The following MYO18A variants were observed in gnomAD, a reference collection of about 807,000 sequenced individuals.
MYO18A encodes the protein myosin XVIIIA, also known as unconventional myosin-XVIIIa.
Under a neutral mutation model 235.8 loss-of-function variants are expected in MYO18A, and 78 were observed. The ratio of observed to expected loss-of-function variants is 0.33; its 90% CI spans 0.28 to 0.40. The LOEUF is 0.40. Ranked by LOEUF, MYO18A falls within the 10% of genes least tolerant of loss-of-function variation. MYO18A has a pLI of 1.00. For missense variants in MYO18A, 2,215 were observed against 2,699.3 expected (o/e 0.82, Z 3.98); for synonymous variants, 977 against 1,077.8 (o/e 0.91, Z 1.83).
chr17:29,136,106 G>A (rs2067590714), intron 2 of MYO18A, among the ~76,000 whole-genome samples: 1 of 151,922 alleles, frequency 6.6e-6, no homozygotes, highest in African/African-American at 2.4e-5. Flanking sequence ...GTGCATGCCT[G>A]TGGTCCCAGG....
chr17:29,106,422 G>A lies in MYO18A; in HGVS notation c.3441+658C>T, dbSNP rs947207876. ...CTCTGTGGGCTTTCTGCCCCATTCTGCAGCATCCTCTCCATTTAGGGAAGC... is the reference window on the plus strand; with the variant it reads ...CTCTGTGGGCTTTCTGCCCCATTCTACAGCATCCTCTCCATTTAGGGAAGC... On this transcript the variant is annotated intron_variant, in intron 20 of 41. Coordinates refer to ENST00000527372, the MANE Select transcript of MYO18A (RefSeq NM_078471.4). The surrounding 1 kb of genome is among the most constrained non-coding windows in gnomAD (Gnocchi z 4.6). Among the ~76,000 whole-genome samples, 3 of 152,188 alleles carry A rather than the reference G, an allele frequency of 2.0e-5. No individual in the cohort carries two copies. The highest frequency in any genetic ancestry group is 7.2e-5 in the African/African-American group (3 of 41,448).
intron 40 of MYO18A, among the ~76,000 whole-genome samples, chr17:29,085,258 A>T (rs1471067673): frequency 4.3e-4 from 65 of 152,236 alleles, no homozygotes; most frequent in Non-Finnish European, 2.9e-5. Flanking sequence ...CCAGAGAAAT[A>T]GGCCAGGGAG....
intron 27 of MYO18A, 74 bp from the exon 28 acceptor site, chr17:29,096,989 GGTGA>G: frequency 1.4e-6 from 2 of 1,460,682 alleles, no homozygotes; most frequent in South Asian, 2.8e-5. Flanking sequence ...GAGGGAAGTG[GGTGA>G]GTGAGGGGAA....
intron 1 of MYO18A, chr17:29,176,685 C>T (rs1228511490): frequency 1.3e-5 from 2 of 152,278 alleles, no homozygotes; most frequent in African/African-American, 4.8e-5. Flanking sequence ...TGGCCTGGCC[C>T]CGTGCTCCAG....
chr17:29,080,937 A>C, intron 41 of MYO18A: 2 of 985,356 alleles, frequency 2.0e-6, no homozygotes, highest in Non-Finnish European at 2.4e-6. Flanking sequence ...GCCGCTTCCG[A>C]TAGCTCAGGG....
chr17:29,079,792 T>C, intron 41 of MYO18A: 1 of 986,038 alleles, frequency 1.0e-6, no homozygotes, highest in Non-Finnish European at 1.2e-6. Context: ...TTTCTTGCGC[T>C]TCTTTTCCTC....
intron 33 of MYO18A, 103 bp downstream of exon 33, chr17:29,092,752 C>T: frequency 6.7e-7 from 1 of 1,488,394 alleles, no homozygotes; most frequent in South Asian, 1.3e-5. Context: ...TGTCACTTTC[C>T]TTCCCAAGGA....
chr17:29,177,634 C>T (rs900572758), intron 1 of MYO18A, among the ~76,000 whole-genome samples: 3 of 152,130 alleles, frequency 2.0e-5, no homozygotes, highest in African/African-American at 7.2e-5. Context: ...CAAAGCAGAA[C>T]TTAAACTCCA....
chr17:29,131,507 G>C (rs2152897714), intron 2 of MYO18A: 1 of 861,572 alleles, frequency 1.2e-6, no homozygotes, highest in South Asian at 5.3e-5. Context: ...TAAAAGCACA[G>C]GGAGAGAACA....
At chr17:29,091,755 T>C in intron 34 of MYO18A, 1 of 441,206 alleles carries the variant, frequency 2.3e-6, no homozygotes, top group South Asian at 1.6e-5. Context: ...CCTCCTCCCC[T>C]GCCCCATTCC....
At chr17:29,097,452 G>A in intron 26 of MYO18A, 102 bp from the exon 27 acceptor site, 5 of 1,485,882 alleles carry the variant, frequency 3.4e-6, no homozygotes, top group South Asian at 1.2e-5. Context: ...GGTGGAGTCA[G>A]CCAGGGCTCA....
Position 29,090,574 on chromosome 17 carries a change from C to T in MYO18A, c.5346G>A (p.Gln1782=). Reference sequence around the variant, plus strand: ...GCTTCTCTTTGTTGGCTTCTTCTAGCTGAGCTTGGAGATCATTTATCTGAG... The same window carrying T: ...GCTTCTCTTTGTTGGCTTCTTCTAGTTGAGCTTGGAGATCATTTATCTGAG... The part of the protein sequence containing the change: ...DLAQINDLQA[Q]LEEANKEKQE... Residue 1782 remains glutamine, a synonymous_variant, in exon 36 of 42, where the codon CAG becomes CAA. Transcript: ENST00000527372. 6.2e-7 allele frequency: 1 copy of T among 1,601,134 alleles called. No individual in the cohort carries two copies. Among genetic ancestry groups the T allele is most frequent in the Non-Finnish European group, 8.5e-7 (1 of 1,173,262 alleles).
intron 15 of MYO18A, among the ~76,000 whole-genome samples, chr17:29,113,497 G>A (rs1371051752): frequency 6.6e-6 from 1 of 152,226 alleles, no homozygotes; most frequent in Non-Finnish European, 1.5e-5. Flanking sequence ...ATCCATGACA[G>A]TCCCCCAGAG....
At chr17:29,139,547 C>A (rs1190790744) in intron 2 of MYO18A, among the ~76,000 whole-genome samples, 1 of 152,166 alleles carries the variant, frequency 6.6e-6, no homozygotes, top group Non-Finnish European at 1.5e-5. Flanking sequence ...GCTCCTGATG[C>A]ACCTCCGCAC....
intron 1 of MYO18A, among the ~76,000 whole-genome samples, chr17:29,169,543 A>G (rs1294879547): frequency 2.0e-5 from 3 of 152,074 alleles, no homozygotes; most frequent in Admixed American, 1.3e-4. Context: ...TCTCCTCCTG[A>G]CTGTTGATGG....
rs201823485 is a variant in MYO18A, at chr17:29,090,929, G to T, written c.5188-3C>A. The T allele has an allele frequency of 2.5e-6, 4 of 1,612,960 alleles. No individual in the cohort carries two copies. In the East Asian group the frequency reaches 8.9e-5, roughly 36 times the overall value. On this transcript the variant is annotated splice_polypyrimidine_tract_variant and splice_region_variant and intron_variant, in intron 34 of 41. Transcript: ENST00000527372. ...AGGCGGCTCAGCTGCTCCTCCAGCT[G>T]GAGAGAGGCAAAGACAGATCAGAGG...
At chr17:29,151,732 GAGGGCTTCCCCA>G (rs1040953139) in intron 2 of MYO18A, among the ~76,000 whole-genome samples, 5 of 152,216 alleles carry the variant, frequency 3.3e-5, no homozygotes, top group African/African-American at 1.2e-4. Flanking sequence ...GCAGTGGCCT[GAGGGCTTCCCCA>G]AGCCACCCGC....
rs1269242038 is a variant in MYO18A, at chr17:29,121,072, T to C, written c.1511A>G (p.Lys504Arg). Reference protein sequence around the residue: ...IILLGSSGSGKTTSCQHLVQY... With the variant: ...IILLGSSGSGRTTSCQHLVQY... ...CACCAGATGCTGGCAGCTGGTGGTC[T>C]TGCCACTGCCACTACTGCCCAGGAG... is the stretch of plus-strand genomic sequence containing the variant. The change falls in exon 6 of 42, where the codon AAG (lysine) becomes AGG (arginine). Residue 504 changes from lysine (K) to arginine (R), a missense_variant. Transcript: ENST00000527372. The surrounding 1 kb of genome is among the most constrained non-coding windows in gnomAD (Gnocchi z 4.2). The C allele has an allele frequency of 5.0e-6, 8 of 1,612,820 alleles. No homozygotes were observed. Among genetic ancestry groups the C allele is most frequent in the African/African-American group, 1.3e-5 (1 of 74,900 alleles).
chr17:29,073,692 G>GTA lies in MYO18A; in HGVS notation c.*1077_*1078insTA, dbSNP rs1478190950. 1.8e-4 allele frequency: 138 copies of GTA among 759,684 alleles called. No homozygotes were observed. In the African/African-American group the frequency reaches 2.3e-3, roughly 13 times the overall value. 47.1% of individuals were successfully genotyped at this position (759,684 alleles called of 1,614,324 possible). A position where few individuals can be genotyped will look rare whatever the true frequency, so the allele number is the denominator to read the frequency against. On this transcript the variant is annotated 3_prime_UTR_variant, in exon 42 of 42. Coordinates refer to ENST00000527372, the MANE Select transcript of MYO18A (RefSeq NM_078471.4). ...TTCTCAGGGATAACCTTTTTAGGGT[G>GTA]GGGGCTGGGACCTCCAGACCACATG... is the stretch of plus-strand genomic sequence containing the variant.
Sources: gnomAD v4.1 joint callset for allele counts (sites outside exome capture counted in the v4.1 genomes callset) on GRCh38, gnomAD v4.1.1 for gene constraint, Gnocchi (gnomAD v3.1) non-coding constraint, MANE v1.5 for transcripts, NCBI Gene and HGNC (gene_info 2026-07-23, HGNC 2026-07-21) for gene names.